NBEAL1: variants seen among roughly 807,000 people sequenced by gnomAD.
NBEAL1 encodes the protein neurobeachin like 1, also known as neurobeachin-like protein 1.
In NBEAL1, 273 loss-of-function variants were observed where a neutral mutation model predicts 351.3. That is an observed-to-expected ratio of 0.78 (90% CI 0.70 to 0.86). NBEAL1 has a LOEUF of 0.86. Ranked by LOEUF, NBEAL1 falls within the 40% of genes least tolerant of loss-of-function variation. The pLI is 0.00. For missense variants in NBEAL1, 2,961 were observed against 3,201.3 expected (o/e 0.92, Z 1.81); for synonymous variants, 1,050 against 1,086.4 (o/e 0.97, Z 0.66).
chr2:203,208,158 G>A (rs542030784), intron 51 of NBEAL1, among the ~76,000 whole-genome samples: 6 of 152,126 alleles, frequency 3.9e-5, no homozygotes, highest in Admixed American at 2.6e-4. Context: ...GGTGGTACAT[G>A]CCTGTGGTCC....
In NBEAL1 at chr2:203,171,984, G is replaced by T; in HGVS notation, c.6159G>T (p.Met2053Ile). The T allele has an allele frequency of 6.2e-7, 1 of 1,607,962 alleles. No homozygotes were observed. The highest frequency in any genetic ancestry group is 1.1e-5 in the South Asian group (1 of 89,770). Residue 2053 changes from methionine (M) to isoleucine (I), a missense_variant, in exon 40 of 56, where the codon ATG becomes ATT. Transcript: ENST00000683969. The part of the protein sequence containing the change: ...NFDYLIQINT[M>I]AGRTYNDLAQ... The stretch of plus-strand genomic sequence containing the variant: ...ACTACCTCATTCAAATAAATACAAT[G>T]GCAGGACGAACCTATAATGACCTTG...
rs759796819 is a variant in NBEAL1 at position 203,136,774 on chromosome 2, C to T, written c.4565C>T (p.Thr1522Ile). Residue 1522 changes from threonine (T) to isoleucine (I), a missense_variant and splice_region_variant, in exon 29 of 56, where the codon ACT (threonine) becomes ATT (isoleucine). Coordinates refer to ENST00000683969, the MANE Select transcript of NBEAL1 (RefSeq NM_001378026.1). Reference protein sequence around the residue: ...LLRPSDEIKLTLLQKMLEWAI... With the variant: ...LLRPSDEIKLILLQKMLEWAI... Reference sequence around the variant, plus strand: ...CGACCATCAGATGAAATAAAACTAACGTAAGCATTTAGTTAGTGATTTTCC... The same window carrying T: ...CGACCATCAGATGAAATAAAACTAATGTAAGCATTTAGTTAGTGATTTTCC... 1.6e-5 allele frequency: 26 copies of T among 1,610,866 alleles called. No individual in the cohort carries two copies. The highest frequency in any genetic ancestry group is 3.4e-5 in the Admixed American group (2 of 59,674).
intron 8 of NBEAL1, among the ~76,000 whole-genome samples, chr2:203,078,463 C>T (rs1166044621): frequency 6.6e-6 from 1 of 152,140 alleles, no homozygotes; most frequent in East Asian, 1.9e-4. Context: ...ACTTCAGCCT[C>T]CCAAGTAGCT....
At chr2:203,152,169 G>A (rs946233164) in intron 35 of NBEAL1, among the ~76,000 whole-genome samples, 1 of 151,264 alleles carries the variant, frequency 6.6e-6, no homozygotes, top group East Asian at 2.0e-4. Flanking sequence ...TGTTGGCCAG[G>A]CTGGTCTCCA....
At chr2:203,183,148 G>C in intron 43 of NBEAL1, 131 bp from the exon 44 acceptor site, 1 of 503,692 alleles carries the variant, frequency 2.0e-6, no homozygotes, top group Non-Finnish European at 3.5e-6. Context: ...TAACTGGTAT[G>C]TACTCCAATA....
At chr2:203,048,339 G>A (rs1040737813) in intron 3 of NBEAL1, among the ~76,000 whole-genome samples, 6 of 145,578 alleles carry the variant, frequency 4.1e-5, no homozygotes, top group South Asian at 2.2e-4. Flanking sequence ...CTGAGATCGC[G>A]CCACTGCACT....
chr2:203,180,589 T>G (rs2064681972), intron 43 of NBEAL1, 77 bp downstream of exon 43: 1 of 1,257,164 alleles, frequency 8.0e-7, no homozygotes, highest in Admixed American at 2.5e-5. Context: ...AGGACATTTT[T>G]GTAATATCCT....
chr2:203,126,643 C>G lies in NBEAL1; in HGVS notation c.3072C>G (p.Leu1024=). ...EQVSLEKNMQ[L]LQQMYQYLLF... ...TATCATTAGAGAAAAATATGCAGCT[C>G]CTGCAACAAATGTATCAATATTTAC... is the stretch of plus-strand genomic sequence containing the variant. The change falls in exon 22 of 56, where the codon CTC becomes CTG. Residue 1024 remains leucine (L), a synonymous_variant. Coordinates refer to ENST00000683969, the MANE Select transcript of NBEAL1 (RefSeq NM_001378026.1). 6.5e-7 allele frequency: 1 copy of G among 1,529,778 alleles called. No homozygotes were observed. Among genetic ancestry groups the G allele is most frequent in the South Asian group, 1.3e-5 (1 of 79,042 alleles). 94.8% of individuals were successfully genotyped at this position (1,529,778 alleles called of 1,614,324 possible). A position where few individuals can be genotyped will look rare whatever the true frequency, so the allele number is the denominator to read the frequency against.
intron 2 of NBEAL1, among the ~76,000 whole-genome samples, chr2:203,035,271 C>A (rs1199420678): frequency 6.7e-6 from 1 of 149,184 alleles, no homozygotes; most frequent in African/African-American, 2.4e-5. Flanking sequence ...AGACTTCATC[C>A]TTTACTAATA....
intron 10 of NBEAL1, among the ~76,000 whole-genome samples, chr2:203,090,131 C>T (rs1048183631): frequency 5.3e-5 from 8 of 152,080 alleles, no homozygotes; most frequent in African/African-American, 1.9e-4. Context: ...ACCCACATAA[C>T]TGGCTTGAAT....
In NBEAL1 at chr2:203,107,474, C is replaced by G. The variant is rs947089456; in HGVS notation, c.1324C>G (p.Leu442Val). ...YTHMLEVLKS[L>V]GQPPLELLKE... ...ACATATGCTTGAAGTATTAAAATCC[C>G]TGGGTCAGCCACCACTGGAATTACT... Residue 442 changes from leucine to valine, a missense_variant, in exon 13 of 56, where the codon CTG becomes GTG. Coordinates refer to ENST00000683969, the MANE Select transcript of NBEAL1 (RefSeq NM_001378026.1). 5 of 1,551,420 alleles carry G rather than the reference C, an allele frequency of 3.2e-6. No homozygotes were observed. The highest frequency in any genetic ancestry group is 2.0e-5 in the Admixed American group (1 of 50,954).
intron 12 of NBEAL1, among the ~76,000 whole-genome samples, chr2:203,104,452 T>A (rs192925513): frequency 6.6e-6 from 1 of 152,228 alleles, no homozygotes; most frequent in Non-Finnish European, 1.5e-5. Flanking sequence ...GAGATGAGTC[T>A]CTTGAAGACA....
At chr2:203,200,152 C>T (rs962905152) in intron 49 of NBEAL1, among the ~76,000 whole-genome samples, 14 of 151,980 alleles carry the variant, frequency 9.2e-5, no homozygotes, top group Non-Finnish European at 4.4e-5. Context: ...CTGAGGCAGG[C>T]GGACCACCTG....
chr2:203,095,712 A>C (rs548367888), intron 10 of NBEAL1, among the ~76,000 whole-genome samples: 1 of 152,296 alleles, frequency 6.6e-6, no homozygotes, highest in Non-Finnish European at 1.5e-5. Context: ...AATATGAAAT[A>C]TTATTCCTTT....
intron 11 of NBEAL1, among the ~76,000 whole-genome samples, chr2:203,098,921 A>T (rs530641379): frequency 3.3e-5 from 5 of 152,326 alleles, no homozygotes; most frequent in African/African-American, 4.8e-5. Flanking sequence ...CTTTTTATAC[A>T]TGCAAATGGA....
At chr2:203,158,617 T>C (rs954077448) in intron 36 of NBEAL1, among the ~76,000 whole-genome samples, 1 of 152,216 alleles carries the variant, frequency 6.6e-6, no homozygotes, top group African/African-American at 2.4e-5. Flanking sequence ...TCATAGTTGC[T>C]GTTTTATGCA....
At chr2:203,153,539 T>TA (rs2063718367) in intron 35 of NBEAL1, among the ~76,000 whole-genome samples, 1 of 152,194 alleles carries the variant, frequency 6.6e-6, no homozygotes, top group African/African-American at 2.4e-5. Flanking sequence ...TTTAGAGTCT[T>TA]ACATTTTGAA....
At chr2:203,155,039 G>A (rs72934591) in intron 35 of NBEAL1, among the ~76,000 whole-genome samples, 13,946 of 151,152 alleles carry the variant, frequency 0.092, 754 homozygotes, top group Non-Finnish European at 0.13. Flanking sequence ...GAGCCCAGGA[G>A]TTCGAGACCA....
intron 42 of NBEAL1, among the ~76,000 whole-genome samples, chr2:203,178,203 C>T (rs375465750): frequency 6.2e-5 from 9 of 144,828 alleles, no homozygotes; most frequent in South Asian, 2.2e-4. Context: ...CTCACTCTGT[C>T]GCCCAGGCTG....
Sources: allele counts gnomAD v4.1 joint callset (sites outside exome capture counted in the v4.1 genomes callset), GRCh38; gene constraint gnomAD v4.1.1; transcripts MANE v1.5; gene names NCBI Gene and HGNC (gene_info 2026-07-23, HGNC 2026-07-21).